ST7L: variants seen among roughly 807,000 people sequenced by gnomAD.
ST7L encodes suppressor of tumorigenicity 7 protein-like.
Under a neutral mutation model 72.5 loss-of-function variants are expected in ST7L, and 57 were observed. That is an observed-to-expected ratio of 0.79 (90% CI 0.64 to 0.98). The LOEUF (loss-of-function observed/expected upper bound fraction) is 0.98, where lower values mean the gene tolerates loss of function less well. Among genes scored for constraint, ST7L ranks in the 50% least tolerant of loss-of-function variants. The probability of loss-of-function intolerance (pLI) is 0.00; values close to 1 mark genes in which losing one functional copy is unlikely to be tolerated. For synonymous variants in ST7L, 221 were observed against 240.9 expected (o/e 0.92, Z 0.77); for missense variants, 576 against 672.2 (o/e 0.86, Z 1.58).
At chr1:112,616,257 C>G (rs1669852674) in intron 2 of ST7L, among the ~76,000 whole-genome samples, 1 of 152,078 alleles carries the variant, frequency 6.6e-6, no homozygotes. Context: ...TCCAACACAC[C>G]CCAAGCCCTC....
chr1:112,598,124 G>A (rs1243725687), intron 4 of ST7L, 38 bp from the exon 5 acceptor site: 2 of 1,466,938 alleles, frequency 1.4e-6, no homozygotes, highest in African/African-American at 2.8e-5. Context: ...AATTGAACAT[G>A]AGAGAGCATC....
chr1:112,569,387 G>C (rs1212784823), intron 11 of ST7L, among the ~76,000 whole-genome samples: 1 of 152,096 alleles, frequency 6.6e-6, no homozygotes, highest in Non-Finnish European at 1.5e-5. Flanking sequence ...TAAAATGAAG[G>C]AAGTACTGAC....
intron 1 of ST7L, among the ~76,000 whole-genome samples, chr1:112,618,521 T>A (rs926008602): frequency 3.9e-5 from 6 of 152,246 alleles, no homozygotes; most frequent in African/African-American, 1.4e-4. Context: ...ATGAGTTCTT[T>A]CAGCTGGGCA....
rs539593404 is a variant in ST7L, at chr1:112,539,612, C to A, written c.1629+2339G>T. 7.5e-6 allele frequency: 6 copies of A among 800,590 alleles called. No homozygotes were observed. The East Asian group carries it at 7.6e-4, about 102-fold the overall frequency. 49.6% of individuals were successfully genotyped at this position (800,590 alleles called of 1,614,324 possible). A position where few individuals can be genotyped will look rare whatever the true frequency, so the allele number is the denominator to read the frequency against. On this transcript the variant is annotated intron_variant, in intron 14 of 14. Coordinates refer to ENST00000358039, the MANE Select transcript of ST7L (RefSeq NM_017744.5). ...CGGAGGTTGCAGTGAGCTGAGATCA[C>A]GCCATTGCACTCTAGTCTGGGTGAC...
In ST7L at chr1:112,611,019, A is replaced by T; in HGVS notation, c.289-16T>A. The T allele has an allele frequency of 6.2e-7, 1 of 1,612,444 alleles. No individual in the cohort carries two copies. The highest frequency in any genetic ancestry group is 8.5e-7 in the Non-Finnish European group (1 of 1,179,512). ...ATTCAAATATCTATGACAAACAGAA[A>T]ATATCCTGCACTTAGAATCGATCAG... is the stretch of plus-strand genomic sequence containing the variant. On this transcript the variant is annotated splice_polypyrimidine_tract_variant and intron_variant, in intron 2 of 14. Transcript: ENST00000358039.
chr1:112,598,005 G>T lies in ST7L; in HGVS notation c.588C>A (p.Thr196=), dbSNP rs542385967. ...AAGGACGTAAAAAATCTGTGTCACA[G>T]GTGAAAAAGGTCTGATGGTCCTGAG... The part of the protein sequence containing the change: ...LSAQDHQTFF[T]CDTDFLRPSD... Residue 196 remains threonine, a synonymous_variant, in exon 5 of 15, where the codon ACC becomes ACA. Coordinates refer to ENST00000358039, the MANE Select transcript of ST7L (RefSeq NM_017744.5). 2.2e-5 allele frequency: 35 copies of T among 1,613,516 alleles called. No homozygotes were observed. The South Asian group carries it at 3.6e-4, about 17-fold the overall frequency.
intron 11 of ST7L, 31 bp from the exon 12 acceptor site, chr1:112,556,049 C>A: frequency 1.4e-6 from 2 of 1,410,640 alleles, no homozygotes; most frequent in Admixed American, 2.6e-5. Flanking sequence ...CACATATACA[C>A]ACAACAGAAA....
intron 6 of ST7L, among the ~76,000 whole-genome samples, chr1:112,590,584 A>G (rs908112340): frequency 4.6e-5 from 7 of 152,300 alleles, no homozygotes; most frequent in Non-Finnish European, 8.8e-5. Flanking sequence ...TTATTCAGGA[A>G]GCATTCCTTG....
chr1:112,535,411 A>AGAAGAAGAAGAT (rs988600513), intron 14 of ST7L, among the ~76,000 whole-genome samples: 1 of 150,918 alleles, frequency 6.6e-6, no homozygotes, highest in East Asian at 2.0e-4. Context: ...AAGAAGAAGA[A>AGAAGAAGAAGAT]GAAGAAGAAG....
At chr1:112,565,282 C>T (rs1004501750) in intron 11 of ST7L, among the ~76,000 whole-genome samples, 2 of 132,144 alleles carry the variant, frequency 1.5e-5, no homozygotes, top group African/African-American at 2.9e-5. Flanking sequence ...GTCGGCCAGG[C>T]TGGTCTCAAA....
rs146284524 is a variant in ST7L, at chr1:112,563,097, TATAATA to T, written c.1246-7085_1246-7080del. Among the ~76,000 whole-genome samples, 637 of 149,744 alleles carry T rather than the reference TATAATA, an allele frequency of 4.3e-3. 2 individuals carry two copies. Among genetic ancestry groups the T allele is most frequent in the African/African-American group, 0.014 (584 of 40,662 alleles). ...TTTAAAAAGTACCTATTACTTTTGT[TATAATA>T]ATAATAATAATAATAATATATTTTT... On this transcript the variant is annotated intron_variant, in intron 11 of 14. Transcript: ENST00000358039.
chr1:112,573,671 A>T (rs1662540491), intron 11 of ST7L, among the ~76,000 whole-genome samples: 1 of 152,070 alleles, frequency 6.6e-6, no homozygotes, highest in African/African-American at 2.4e-5. Flanking sequence ...GGGCAGAAAT[A>T]ATTCTAATTT....
intron 6 of ST7L, 102 bp downstream of exon 6, chr1:112,591,423 C>A (rs979901254): frequency 4.4e-6 from 4 of 910,092 alleles, no homozygotes; most frequent in Non-Finnish European, 6.6e-6. Flanking sequence ...AAGGAAATGA[C>A]TAATGACTCC....
intron 11 of ST7L, among the ~76,000 whole-genome samples, chr1:112,570,545 G>GTGTATATATATATATA (rs1199387859): frequency 7.6e-6 from 1 of 130,862 alleles, no homozygotes; most frequent in Non-Finnish European, 1.6e-5. Context: ...AATAAAAGAT[G>GTGTATATATATATATA]TATATATATA....
chr1:112,551,435 A>C (rs1658164900), intron 12 of ST7L, among the ~76,000 whole-genome samples: 1 of 152,148 alleles, frequency 6.6e-6, no homozygotes, highest in African/African-American at 2.4e-5. Context: ...GGTGTGAGCC[A>C]CCGCGCCCGG....
intron 3 of ST7L, among the ~76,000 whole-genome samples, chr1:112,605,031 G>A (rs576344721): frequency 1.4e-5 from 2 of 144,400 alleles, no homozygotes; most frequent in Admixed American, 7.2e-5. Flanking sequence ...AGGTTGCAGT[G>A]AGCAGAGATC....
chr1:112,550,873 T>C (rs1328755268), intron 12 of ST7L, among the ~76,000 whole-genome samples, 180 bp from the exon 13 acceptor site: 1 of 152,116 alleles, frequency 6.6e-6, no homozygotes, highest in Non-Finnish European at 1.5e-5. Flanking sequence ...ATTTAGATAA[T>C]AGTGAATGGT....
intron 11 of ST7L, among the ~76,000 whole-genome samples, chr1:112,569,736 A>C (rs1049086538): frequency 1.3e-5 from 2 of 152,204 alleles, no homozygotes; most frequent in Admixed American, 1.3e-4. Flanking sequence ...AGGCGGGTGG[A>C]TCACGAGGTC....
chr1:112,616,525 C>T (rs1203498226), intron 2 of ST7L, among the ~76,000 whole-genome samples: 1 of 152,076 alleles, frequency 6.6e-6, no homozygotes, highest in Non-Finnish European at 1.5e-5. Flanking sequence ...GGCGGATCAC[C>T]TGAGGTCAGG....
Sources: allele counts gnomAD v4.1 joint callset (sites outside exome capture counted in the v4.1 genomes callset), GRCh38; gene constraint gnomAD v4.1.1; transcripts MANE v1.5; gene names NCBI Gene and HGNC (gene_info 2026-07-23, HGNC 2026-07-21).